DGKG: variants seen among roughly 807,000 people sequenced by gnomAD.
DGKG encodes the protein DAG kinase gamma.
Under a neutral mutation model 105.3 loss-of-function variants are expected in DGKG, and 78 were observed. The ratio of observed to expected loss-of-function variants is 0.74; its 90% CI spans 0.62 to 0.89. The LOEUF (loss-of-function observed/expected upper bound fraction) is 0.89. Ranked by LOEUF, DGKG falls within the 40% of genes least tolerant of loss-of-function variation. The probability of loss-of-function intolerance (pLI) is 0.00; values close to 1 mark genes in which losing one functional copy is unlikely to be tolerated. For synonymous variants in DGKG, 346 were observed against 367.1 expected (o/e 0.94, Z 0.66); for missense variants, 958 against 1,020.1 (o/e 0.94, Z 0.83).
intron 21 of DGKG, among the ~76,000 whole-genome samples, chr3:186,190,479 G>T (rs1717852389): frequency 6.6e-6 from 1 of 152,166 alleles, no homozygotes; most frequent in South Asian, 2.1e-4. Context: ...TCATGTAAGA[G>T]TTCAGCACGT....
At chr3:186,234,379 A>G (rs1179259928) in intron 20 of DGKG, among the ~76,000 whole-genome samples, 1 of 152,170 alleles carries the variant, frequency 6.6e-6, no homozygotes, top group Non-Finnish European at 1.5e-5. Context: ...CTTACTTTGA[A>G]TTTGTGTGCT....
At chr3:186,302,474 ATATATATAT>A (rs1723975821) in intron 3 of DGKG, among the ~76,000 whole-genome samples, 1 of 21,378 alleles carries the variant, frequency 4.7e-5, no homozygotes, top group African/African-American at 2.3e-4. Flanking sequence ...ATATATATAT[ATATATATAT>A]ATATATATAT....
Position 186,150,004 on chromosome 3 carries a change from G to A in DGKG, c.*86C>T. 2 of 1,519,582 alleles carry A rather than the reference G, an allele frequency of 1.3e-6. No individual in the cohort carries two copies. Among genetic ancestry groups the A allele is most frequent in the Non-Finnish European group, 1.8e-6 (2 of 1,133,190 alleles). 94.1% of individuals were successfully genotyped at this position (1,519,582 alleles called of 1,614,324 possible). On this transcript the variant is annotated 3_prime_UTR_variant, in exon 25 of 25. Coordinates refer to ENST00000265022, the MANE Select transcript of DGKG (RefSeq NM_001346.3). ...TGTGTATGTGTGTGTGTGTGTGCAT[G>A]TGTGAGTGTGCACATAAATTGTGTG...
intron 22 of DGKG, among the ~76,000 whole-genome samples, chr3:186,166,350 C>T (rs1167636457): frequency 6.6e-6 from 1 of 152,226 alleles, no homozygotes; most frequent in Non-Finnish European, 1.5e-5. Context: ...CAATCACATT[C>T]TGCCCTAGTA....
At position 186,268,810 on chromosome 3, in the gene DGKG, G is replaced by C. The variant is rs747835107; in HGVS notation, c.1107C>G (p.Cys369Trp). Residue 369 changes from cysteine to tryptophan, a missense_variant, in exon 12 of 25, where the codon TGC becomes TGG. This residue lies in a region of DGKG where 643 missense variants were observed against 619.5 expected (regional missense o/e 1.04). Coordinates refer to ENST00000265022, the MANE Select transcript of DGKG (RefSeq NM_001346.3). ...CTGGGCGCCAACCCACCGTCATCCG[G>C]CACCACACGCAGTGCCGCGCGGTGA... ...QSVTARHCVWCRMTFHRKCEL... is the reference protein window; with the variant it reads ...QSVTARHCVWWRMTFHRKCEL... 49 of 1,611,490 alleles carry C rather than the reference G, an allele frequency of 3.0e-5. No individual in the cohort carries two copies. The highest frequency in any genetic ancestry group is 4.0e-5 in the Non-Finnish European group (47 of 1,178,278).
At chr3:186,228,787 T>C (rs2108537644) in intron 20 of DGKG, among the ~76,000 whole-genome samples, 1 of 152,290 alleles carries the variant, frequency 6.6e-6, no homozygotes, top group East Asian at 1.9e-4. Flanking sequence ...AACACCCTCA[T>C]TGTTCACGTC....
At chr3:186,160,773 C>T (rs898670643) in intron 24 of DGKG, 1 of 985,402 alleles carries the variant, frequency 1.0e-6, no homozygotes, top group Non-Finnish European at 1.2e-6. Flanking sequence ...CCCTGAAAAC[C>T]AGGACGACGA....
intron 22 of DGKG, among the ~76,000 whole-genome samples, chr3:186,186,959 G>A (rs1717668358): frequency 6.6e-6 from 1 of 152,248 alleles, no homozygotes; most frequent in Non-Finnish European, 1.5e-5. Context: ...AGTTGTTCCA[G>A]ACAGAAAGAA....
chr3:186,242,730 C>T (rs1720750651), intron 19 of DGKG, 162 bp from the exon 20 acceptor site: 1 of 560,050 alleles, frequency 1.8e-6, no homozygotes, highest in Non-Finnish European at 3.2e-6. Context: ...AACAGAGGCT[C>T]AACACTGCCT....
intron 1 of DGKG, among the ~76,000 whole-genome samples, chr3:186,340,203 C>A (rs1013374327): frequency 6.6e-5 from 10 of 152,112 alleles, no homozygotes; most frequent in Non-Finnish European, 1.0e-4. Context: ...CTTTTCAGTA[C>A]CAGCTGTAGA....
chr3:186,296,396 A>G (rs1393446486), intron 5 of DGKG, among the ~76,000 whole-genome samples: 1 of 152,254 alleles, frequency 6.6e-6, no homozygotes, highest in Non-Finnish European at 1.5e-5. Flanking sequence ...TGCCTGATCC[A>G]ACTTGAGTTG....
intron 1 of DGKG, among the ~76,000 whole-genome samples, chr3:186,346,416 T>A (rs1726333339): frequency 6.6e-6 from 1 of 152,228 alleles, no homozygotes; most frequent in Non-Finnish European, 1.5e-5. Flanking sequence ...CTGGAGTAAC[T>A]CATTTTCATT....
chr3:186,216,644 C>A (rs774138954), intron 20 of DGKG, among the ~76,000 whole-genome samples: 16 of 152,172 alleles, frequency 1.1e-4, no homozygotes, highest in Non-Finnish European at 1.3e-4. Flanking sequence ...CACCACCACC[C>A]ATTTCCAAAG....
intron 22 of DGKG, among the ~76,000 whole-genome samples, chr3:186,183,505 G>T (rs113825308): frequency 0.81 from 114,858 of 140,964 alleles, 44,379 homozygotes; most frequent in East Asian, 0.94. Context: ...AACCTTTCTT[G>T]GGGGGGGGCG....
Position 186,306,767 on chromosome 3 carries a change from C to T in DGKG, c.144+134G>A, listed in dbSNP as rs1724258874. ...ATAATGCCAGGTAGCACAAATGGCT[C>T]ACTTGAGACTTAAGAGGAAACATGC... is the stretch of plus-strand genomic sequence containing the variant. On this transcript the variant is annotated intron_variant, in intron 3 of 24. Transcript: ENST00000265022. 10 of 641,060 alleles carry T rather than the reference C, an allele frequency of 1.6e-5. No homozygotes were observed. In the South Asian group the frequency reaches 1.9e-4, roughly 12 times the overall value. The allele number at this position is 641,060 out of a possible 1,614,324, so 39.7% of individuals were successfully genotyped here.
intron 20 of DGKG, among the ~76,000 whole-genome samples, chr3:186,225,356 G>A (rs186921375): frequency 6.6e-6 from 1 of 150,876 alleles, no homozygotes; most frequent in Non-Finnish European, 1.5e-5. Context: ...TTTGGCAGGA[G>A]ATCAGTTCAC....
chr3:186,296,279 T>C (rs1291532449), intron 5 of DGKG, among the ~76,000 whole-genome samples: 1 of 152,228 alleles, frequency 6.6e-6, no homozygotes, highest in African/African-American at 2.4e-5. Flanking sequence ...TTAGGGACAC[T>C]GAGGCACAGA....
intron 5 of DGKG, among the ~76,000 whole-genome samples, chr3:186,295,661 G>T (rs1167311619): frequency 2.0e-5 from 1 of 49,230 alleles, no homozygotes. Context: ...AAAAAAAAAA[G>T]GTCTGACTCT....
chr3:186,222,309 C>A (rs571306331), intron 20 of DGKG, among the ~76,000 whole-genome samples: 1 of 152,182 alleles, frequency 6.6e-6, no homozygotes, highest in Non-Finnish European at 1.5e-5. Context: ...CCAGGCTAAC[C>A]CACAAGAGCC....
Sources: allele counts gnomAD v4.1 joint callset (sites outside exome capture counted in the v4.1 genomes callset), GRCh38; gene constraint gnomAD v4.1.1; regional missense constraint gnomAD v4.1.1; transcripts MANE v1.5; gene names NCBI Gene and HGNC (gene_info 2026-07-23, HGNC 2026-07-21).